Variants in NDST3 observed in about 807,000 individuals in gnomAD.
NDST3 encodes N-deacetylase and N-sulfotransferase 3.
In NDST3, 58 loss-of-function variants were observed where a neutral mutation model predicts 96.1. That is an observed-to-expected ratio of 0.60 (90% confidence interval 0.49 to 0.75). The LOEUF (loss-of-function observed/expected upper bound fraction) is 0.75. Ranked by LOEUF, NDST3 falls within the 30% of genes least tolerant of loss-of-function variation. The probability of loss-of-function intolerance (pLI) is 0.00; values close to 1 mark genes in which losing one functional copy is unlikely to be tolerated. For synonymous variants in NDST3, 333 were observed against 359.7 expected (o/e 0.93, Z 0.84); for missense variants, 788 against 1,034.2 (o/e 0.76, Z 3.27).
At chr4:118,162,410 C>A (rs1735224664) in intron 6 of NDST3, among the ~76,000 whole-genome samples, 1 of 152,082 alleles carries the variant, frequency 6.6e-6, no homozygotes, top group African/African-American at 2.4e-5. Context: ...AGATATAGAT[C>A]AATGGAACAG....
intron 6 of NDST3, among the ~76,000 whole-genome samples, chr4:118,164,814 T>C (rs1735435919): frequency 6.6e-6 from 1 of 152,170 alleles, no homozygotes; most frequent in Admixed American, 6.5e-5. Flanking sequence ...AGAATAGAGT[T>C]TTATATCCAA....
chr4:118,057,986 A>G (rs1252832624), intron 2 of NDST3, among the ~76,000 whole-genome samples: 1 of 152,090 alleles, frequency 6.6e-6, no homozygotes, highest in East Asian at 1.9e-4. Flanking sequence ...GATAAGGAAG[A>G]ATAATCAAAA....
intron 6 of NDST3, among the ~76,000 whole-genome samples, chr4:118,165,367 A>G (rs1174741472): frequency 6.6e-6 from 1 of 152,114 alleles, no homozygotes; most frequent in African/African-American, 2.4e-5. Context: ...TCAATTAACC[A>G]GGAAGATATA....
rs1390683385 is a variant in NDST3 at position 118,054,388 on chromosome 4, G to A, written c.478G>A (p.Gly160Ser). 1 of 1,612,644 alleles carries A rather than the reference G, an allele frequency of 6.2e-7. No homozygotes were observed. The highest frequency in any genetic ancestry group is 8.5e-7 in the Non-Finnish European group (1 of 1,179,354). Residue 160 changes from glycine (G) to serine (S), a missense_variant, in exon 2 of 14, where the codon GGT (glycine) becomes AGT (serine). Gly to Ser is a moderately conservative substitution (Grantham distance 56). This residue lies in a region of NDST3 where 234 missense variants were observed against 256.9 expected (regional missense o/e 0.91). Coordinates refer to ENST00000296499, the MANE Select transcript of NDST3 (RefSeq NM_004784.3). The part of the protein sequence containing the change: ...LDKYCVEYGV[G>S]VIGFHKTSEK... Reference sequence around the variant, plus strand: ...TAAATACTGTGTAGAATATGGTGTGGGTGTCATTGGATTCCACAAAACTAG... The same window carrying A: ...TAAATACTGTGTAGAATATGGTGTGAGTGTCATTGGATTCCACAAAACTAG...
chr4:118,091,854 T>C (rs1264371224), intron 2 of NDST3, among the ~76,000 whole-genome samples: 2 of 151,780 alleles, frequency 1.3e-5, no homozygotes, highest in South Asian at 2.1e-4. Context: ...ATCTCTACTA[T>C]GTTTTTTCTT....
intron 4 of NDST3, among the ~76,000 whole-genome samples, chr4:118,118,813 A>G (rs1731317835): frequency 6.6e-6 from 1 of 152,202 alleles, no homozygotes; most frequent in Non-Finnish European, 1.5e-5. Context: ...CTACCACAAA[A>G]TTTAAAATAT....
At chr4:118,079,534 G>A (rs148847462) in intron 2 of NDST3, among the ~76,000 whole-genome samples, 79 of 152,306 alleles carry the variant, frequency 5.2e-4, no homozygotes, top group Middle Eastern at 3.4e-3. Flanking sequence ...GTCAGTGTGC[G>A]TGGAGCACAG....
At chr4:118,120,841 G>A (rs1177126139) in intron 4 of NDST3, among the ~76,000 whole-genome samples, 1 of 152,090 alleles carries the variant, frequency 6.6e-6, no homozygotes, top group Non-Finnish European at 1.5e-5. Context: ...ATTGTCCACT[G>A]ATGTGGTGTT....
At chr4:118,040,845 T>TTATATATATATTTATATATTTTTATA in intron 1 of NDST3, among the ~76,000 whole-genome samples, 1 of 137,936 alleles carries the variant, frequency 7.2e-6, no homozygotes, top group Non-Finnish European at 1.5e-5. Flanking sequence ...TCCAACTAAT[T>TTATATATATATTTATATATTTTTATA]TATATATATA....
intron 6 of NDST3, among the ~76,000 whole-genome samples, chr4:118,200,046 C>T (rs952868421): frequency 2.6e-5 from 4 of 152,184 alleles, no homozygotes; most frequent in African/African-American, 9.6e-5. Flanking sequence ...CACTCTTTGG[C>T]TACCAGCTAT....
rs192275348 is a variant in NDST3, at chr4:118,161,795, A to G, written c.1539+18111A>G. ...TCTGTCAACCCTTTCTTTGACTAGG[A>G]AAGGGAACTCCCTGATCCCTTGAGC... On this transcript the variant is annotated intron_variant, in intron 6 of 13. Coordinates refer to ENST00000296499, the MANE Select transcript of NDST3 (RefSeq NM_004784.3). 1.1e-4 allele frequency among the ~76,000 whole-genome samples: 17 copies of G among 152,198 alleles called. No homozygotes were observed. The East Asian group carries it at 3.1e-3, about 28-fold the overall frequency.
intron 6 of NDST3, among the ~76,000 whole-genome samples, chr4:118,223,495 G>A (rs2125993923): frequency 6.6e-6 from 1 of 152,140 alleles, no homozygotes; most frequent in East Asian, 1.9e-4. Context: ...GAATAGAAAT[G>A]CAAATATTCT....
intron 2 of NDST3, among the ~76,000 whole-genome samples, chr4:118,085,958 G>A (rs1052316605): frequency 1.3e-5 from 2 of 152,050 alleles, no homozygotes; most frequent in African/African-American, 2.4e-5. Flanking sequence ...TCGTTACTTC[G>A]CATTTATCTG....
chr4:118,127,337 T>C (rs1732193700), intron 4 of NDST3, among the ~76,000 whole-genome samples: 1 of 152,076 alleles, frequency 6.6e-6, no homozygotes, highest in Admixed American at 6.6e-5. Flanking sequence ...GTCTTATGTT[T>C]AAGTCTTTAA....
chr4:118,131,498 T>C (rs962275416), intron 4 of NDST3, among the ~76,000 whole-genome samples: 1 of 152,136 alleles, frequency 6.6e-6, no homozygotes, highest in Admixed American at 6.5e-5. Context: ...GAATTCCTTA[T>C]CTCTGTTAAT....
intron 2 of NDST3, among the ~76,000 whole-genome samples, chr4:118,079,438 CA>C (rs1727834461): frequency 6.6e-6 from 1 of 152,074 alleles, no homozygotes; most frequent in Non-Finnish European, 1.5e-5. Context: ...ACAATAAACA[CA>C]AATACATAAG....
intron 3 of NDST3, among the ~76,000 whole-genome samples, chr4:118,111,922 C>T (rs557464742): frequency 2.3e-4 from 35 of 150,910 alleles, no homozygotes; most frequent in Non-Finnish European, 4.4e-4. Context: ...TTGATCTGCC[C>T]GCCTCAGCCT....
At chr4:118,053,733 T>C (rs1357311722) in intron 1 of NDST3, 23 bp from the exon 2 acceptor site, 2 of 637,696 alleles carry the variant, frequency 3.1e-6, no homozygotes, top group Non-Finnish European at 5.0e-6. Flanking sequence ...ACTGACTGTT[T>C]TATATTCTTT....
At chr4:118,034,903 CAT>C (rs1259121497) in intron 1 of NDST3, among the ~76,000 whole-genome samples, 17 of 152,270 alleles carry the variant, frequency 1.1e-4, no homozygotes, top group South Asian at 4.1e-4. Flanking sequence ...TAACAGAACA[CAT>C]GTCTGTTGCC....
Sources: gnomAD v4.1 joint callset for allele counts (sites outside exome capture counted in the v4.1 genomes callset) on GRCh38, gnomAD v4.1.1 for gene constraint, gnomAD v4.1.1 regional missense constraint, MANE v1.5 for transcripts, NCBI Gene and HGNC (gene_info 2026-07-23, HGNC 2026-07-21) for gene names.